The following ELOVL6 variants were observed in gnomAD, a reference collection of about 807,000 sequenced individuals.
ELOVL6 encodes the protein ELOVL fatty acid elongase 6.
In ELOVL6, 8 loss-of-function variants were observed where a neutral mutation model predicts 31.7. The observed-to-expected ratio is 0.25, with a 90% CI of 0.15 to 0.45. The LOEUF is 0.45. ELOVL6 is among the 20% of genes least tolerant of loss of function. The pLI, the probability that ELOVL6 is intolerant of heterozygous loss-of-function variation, is 1.00. For missense variants in ELOVL6, 126 were observed against 326.4 expected, an observed-to-expected ratio of 0.39 and a Z score of 4.73; for synonymous variants, 101 against 117.7, an observed-to-expected ratio of 0.86 and a Z score of 0.92.
At chr4:110,052,136 T>C (rs937219435) in intron 3 of ELOVL6, among the ~76,000 whole-genome samples, 2 of 152,174 alleles carry the variant, frequency 1.3e-5, no homozygotes, top group South Asian at 2.1e-4. Flanking sequence ...TGTTGCCAAC[T>C]CCCAACTCAA....
intron 1 of ELOVL6, among the ~76,000 whole-genome samples, chr4:110,143,531 C>A (rs1424859270): frequency 1.3e-5 from 2 of 152,034 alleles, no homozygotes. Flanking sequence ...TTTCTTAGGA[C>A]AATGAGCTAT....
intron 2 of ELOVL6, among the ~76,000 whole-genome samples, chr4:110,060,342 C>T (rs925370516): frequency 3.3e-5 from 5 of 152,128 alleles, no homozygotes; most frequent in African/African-American, 1.2e-4. Flanking sequence ...AAAAGCTTAG[C>T]TCTGTCACCT....
chr4:110,153,206 AT>A (rs1466173928), intron 1 of ELOVL6, among the ~76,000 whole-genome samples: 4 of 152,254 alleles, frequency 2.6e-5, no homozygotes, highest in Admixed American at 2.6e-4. Flanking sequence ...CACTGTTAAG[AT>A]TTAATAATAA....
intron 1 of ELOVL6, among the ~76,000 whole-genome samples, chr4:110,130,914 CAT>C (rs549859890): frequency 1.4e-3 from 216 of 152,272 alleles, no homozygotes; most frequent in Non-Finnish European, 2.2e-3. Context: ...GGTAAGTACA[CAT>C]TTCTTTCAAG....
chr4:110,064,698 G>C (rs1755247622), intron 2 of ELOVL6, among the ~76,000 whole-genome samples: 1 of 151,900 alleles, frequency 6.6e-6, no homozygotes. Context: ...ATCTTGCCCA[G>C]GCTGGTCTTG....
chr4:110,184,580 AGT>A (rs1759386262), intron 1 of ELOVL6, among the ~76,000 whole-genome samples: 1 of 152,236 alleles, frequency 6.6e-6, no homozygotes, highest in Non-Finnish European at 1.5e-5. Flanking sequence ...AGATCAGATC[AGT>A]GACTCAGAAA....
intron 1 of ELOVL6, among the ~76,000 whole-genome samples, chr4:110,180,193 C>G (rs1443585972): frequency 6.6e-6 from 1 of 152,022 alleles, no homozygotes; most frequent in African/African-American, 2.4e-5. Context: ...AAGTTCACCC[C>G]CTAAAAATCT....
At chr4:110,116,839 T>A (rs1217112185) in intron 1 of ELOVL6, among the ~76,000 whole-genome samples, 1 of 152,264 alleles carries the variant, frequency 6.6e-6, no homozygotes. Context: ...TCCACCCAGA[T>A]GGCCTGCTAG....
intron 1 of ELOVL6, among the ~76,000 whole-genome samples, chr4:110,149,423 T>G (rs2126264701): frequency 6.6e-6 from 1 of 152,342 alleles, no homozygotes; most frequent in East Asian, 1.9e-4. Flanking sequence ...ATGTGTTATG[T>G]GTACACAATG....
chr4:110,125,933 A>G (rs1757478758), intron 1 of ELOVL6, among the ~76,000 whole-genome samples: 1 of 152,214 alleles, frequency 6.6e-6, no homozygotes, highest in South Asian at 2.1e-4. Flanking sequence ...TAAAAAATAA[A>G]ACAATATGTC....
chr4:110,160,454 T>C (rs1222799774), intron 1 of ELOVL6, among the ~76,000 whole-genome samples: 1 of 152,208 alleles, frequency 6.6e-6, no homozygotes, highest in Non-Finnish European at 1.5e-5. Context: ...TATAATAATA[T>C]ATTACTTATT....
chr4:110,136,413 G>C (rs1047054708), intron 1 of ELOVL6, among the ~76,000 whole-genome samples: 7 of 152,248 alleles, frequency 4.6e-5, no homozygotes, highest in East Asian at 3.9e-4. Flanking sequence ...CTCGAAATGT[G>C]TAAGTAGTAA....
At chr4:110,156,282 A>C (rs1261291190) in intron 1 of ELOVL6, among the ~76,000 whole-genome samples, 1 of 152,164 alleles carries the variant, frequency 6.6e-6, no homozygotes, top group Non-Finnish European at 1.5e-5. Context: ...TAGAATTAGG[A>C]TGTGATTCTC....
At position 110,046,576 on chromosome 4, in the gene ELOVL6, C is replaced by T. The variant is rs951305803; in HGVS notation, c.*4762G>A. 6.6e-6 allele frequency: 1 copy of T among 152,234 alleles called. No homozygotes were observed. 9.4% of individuals were successfully genotyped at this position (152,234 alleles called of 1,614,324 possible). On this transcript the variant is annotated 3_prime_UTR_variant, in exon 4 of 4. Transcript: ENST00000302274. ...TGTGAGCTCTGAATTGTCAAAGTCT[C>T]TGAGGATGAGGAAAGTAACTTGATT...
Position 110,158,657 on chromosome 4 carries a change from A to ATATATTTTTTTT in ELOVL6, c.89+39589_89+39590insAAAAAAAATATA. ...CGTGTATATATATATATATATATAT[A>ATATATTTTTTTT]TTTTTTTTTTTTTTTTTTTTGAGAC... is the stretch of plus-strand genomic sequence containing the variant. On this transcript the variant is annotated intron_variant, in intron 1 of 3. Coordinates refer to ENST00000302274, the MANE Select transcript of ELOVL6 (RefSeq NM_024090.3). Among the ~76,000 whole-genome samples, 26 of 74,162 alleles carry ATATATTTTTTTT rather than the reference A, an allele frequency of 3.5e-4. 1 individual carries two copies. Among genetic ancestry groups the ATATATTTTTTTT allele is most frequent in the African/African-American group, 1.2e-3 (15 of 12,072 alleles). The allele number at this position is 74,162 out of a possible 152,430, so 48.7% of individuals were successfully genotyped here. A position where few individuals can be genotyped will look rare whatever the true frequency, so the allele number is the denominator to read the frequency against.
intron 1 of ELOVL6, among the ~76,000 whole-genome samples, chr4:110,150,974 C>T (rs1041193477): frequency 7.3e-5 from 11 of 150,834 alleles, no homozygotes; most frequent in South Asian, 2.1e-4. Context: ...ACCTGGGAGG[C>T]GGAGGTTGCA....
At chr4:110,155,654 C>T (rs980899676) in intron 1 of ELOVL6, among the ~76,000 whole-genome samples, 9 of 151,976 alleles carry the variant, frequency 5.9e-5, no homozygotes, top group Non-Finnish European at 1.0e-4. Context: ...ATCTAGACCC[C>T]GAGACAGTTC....
chr4:110,074,726 T>A (rs931286526), intron 2 of ELOVL6, among the ~76,000 whole-genome samples: 3 of 152,102 alleles, frequency 2.0e-5, no homozygotes, highest in Non-Finnish European at 4.4e-5. Flanking sequence ...TTTTATTACA[T>A]AATAAACATT....
intron 2 of ELOVL6, among the ~76,000 whole-genome samples, chr4:110,099,811 A>G (rs766041313): frequency 4.6e-5 from 7 of 152,190 alleles, no homozygotes; most frequent in Non-Finnish European, 4.4e-5. Context: ...AACTGTAGTA[A>G]CCCAGCTGAC....
Sources: allele counts gnomAD v4.1 joint callset (sites outside exome capture counted in the v4.1 genomes callset), GRCh38; gene constraint gnomAD v4.1.1; transcripts MANE v1.5; gene names NCBI Gene and HGNC (gene_info 2026-07-23, HGNC 2026-07-21).